Variants in DCUN1D4 observed in about 807,000 individuals in gnomAD.
The protein encoded by DCUN1D4 is defective in cullin neddylation 1 domain containing 4.
A neutral mutation model predicts 47.9 loss-of-function variants in DCUN1D4; 22 were observed. The ratio of observed to expected loss-of-function variants is 0.46; its 90% CI spans 0.33 to 0.66. DCUN1D4 has a LOEUF of 0.66. Among genes scored for constraint, DCUN1D4 ranks in the 30% least tolerant of loss-of-function variants. The pLI, the probability that DCUN1D4 is intolerant of heterozygous loss-of-function variation, is 0.02. For synonymous variants in DCUN1D4, 121 were observed against 112.2 expected (o/e 1.08, Z -0.50); for missense variants, 301 against 340.8 (o/e 0.88, Z 0.92).
At chr4:51,868,374 C>G (rs1281145891) in intron 3 of DCUN1D4, among the ~76,000 whole-genome samples, 3 of 152,186 alleles carry the variant, frequency 2.0e-5, no homozygotes, top group African/African-American at 4.8e-5. Flanking sequence ...AGTGATTGCT[C>G]CAGACGGGCT....
At chr4:51,841,946 T>C (rs1721686933), upstream of DCUN1D4, among the ~76,000 whole-genome samples, 1 of 77,892 alleles carries the variant, frequency 1.3e-5, no homozygotes, top group Non-Finnish European at 2.4e-5. Context: ...GTTGTTGGAG[T>C]TGGTGGCTGG....
chr4:51,843,658 G>C, intron 1 of DCUN1D4: 1 of 1,255,264 alleles, frequency 8.0e-7, no homozygotes, highest in Non-Finnish European at 1.0e-6. Context: ...GGCGGGGAGA[G>C]GGAGGGAGCG....
chr4:51,877,285 A>G (rs138185915), intron 4 of DCUN1D4, among the ~76,000 whole-genome samples: 257 of 152,150 alleles, frequency 1.7e-3, no homozygotes, highest in African/African-American at 6.0e-3. Flanking sequence ...ACATGATTTG[A>G]TGTTTCTTTT....
rs140646477 is a variant in DCUN1D4, at chr4:51,881,053, G to A, written c.343+3199G>A. Among the ~76,000 whole-genome samples the A allele has an allele frequency of 2.9e-3, 447 of 152,162 alleles. 2 individuals are homozygous for A. Among genetic ancestry groups the A allele is most frequent in the Non-Finnish European group, 5.2e-3 (352 of 67,988 alleles). ...TGAGGCAGGAAAATCACTTGAACCC[G>A]GGAGGCAGAGGTTGCAGTGAGCCAA... On this transcript the variant is annotated intron_variant, in intron 5 of 10. Transcript: ENST00000334635.
At chr4:51,878,356 CTTAT>C (rs1203772465) in intron 5 of DCUN1D4, among the ~76,000 whole-genome samples, 2 of 152,022 alleles carry the variant, frequency 1.3e-5, no homozygotes, top group Non-Finnish European at 1.5e-5. Flanking sequence ...CGACCTGGGG[CTTAT>C]TTGTTATTGT....
chr4:51,841,727 T>C (rs1275890599), upstream of DCUN1D4, among the ~76,000 whole-genome samples: 4 of 152,090 alleles, frequency 2.6e-5, no homozygotes, highest in Non-Finnish European at 5.9e-5. Context: ...AGAAACTGGT[T>C]TGTCTGAGCC....
chr4:51,834,764 G>A, the DCUN1D4 span, among the ~76,000 whole-genome samples: 1 of 152,082 alleles, frequency 6.6e-6, no homozygotes, highest in Non-Finnish European at 1.5e-5. Context: ...CTGGAAAGGG[G>A]AGCAGAGGCT....
chr4:51,873,010 A>G (rs1197449457), intron 3 of DCUN1D4, among the ~76,000 whole-genome samples: 1 of 152,236 alleles, frequency 6.6e-6, no homozygotes, highest in Non-Finnish European at 1.5e-5. Context: ...AGAGGTAGCT[A>G]TATAACATTT....
chr4:51,870,009 T>C (rs960747741), intron 3 of DCUN1D4, among the ~76,000 whole-genome samples: 3 of 152,170 alleles, frequency 2.0e-5, no homozygotes, highest in Admixed American at 2.0e-4. Context: ...ACCAAAACAT[T>C]AAGAAAGAGC....
chr4:51,838,410 C>T (rs1721550833), upstream of DCUN1D4, among the ~76,000 whole-genome samples: 1 of 152,064 alleles, frequency 6.6e-6, no homozygotes, highest in South Asian at 2.1e-4. Flanking sequence ...GAGGCAGGGT[C>T]TCATTCTGTC....
At chr4:51,843,123 C>A, upstream of DCUN1D4, 1 of 1,467,368 alleles carries the variant, frequency 6.8e-7, no homozygotes, top group Non-Finnish European at 9.0e-7. Flanking sequence ...GCGAGATGGG[C>A]GGGCTGGGAG....
At chr4:51,886,820 T>C (rs1314065058) in intron 6 of DCUN1D4, 182 bp downstream of exon 6, 12 of 585,048 alleles carry the variant, frequency 2.1e-5, no homozygotes, top group Non-Finnish European at 3.7e-5. Context: ...TTGTAAGTGA[T>C]ATGGTGTAAC....
At chr4:51,864,413 A>G (rs892918659) in intron 3 of DCUN1D4, among the ~76,000 whole-genome samples, 4 of 152,212 alleles carry the variant, frequency 2.6e-5, no homozygotes, top group Non-Finnish European at 5.9e-5. Flanking sequence ...TTATTTAAAC[A>G]CATTTTAAAG....
At chr4:51,850,728 A>AG (rs896696156) in intron 1 of DCUN1D4, among the ~76,000 whole-genome samples, 97 of 152,028 alleles carry the variant, frequency 6.4e-4, no homozygotes, top group African/African-American at 2.3e-3. Flanking sequence ...ACAGCAGGGA[A>AG]GGGGTGCATG....
intron 3 of DCUN1D4, among the ~76,000 whole-genome samples, chr4:51,868,642 C>T (rs1726353889): frequency 6.6e-6 from 1 of 152,158 alleles, no homozygotes; most frequent in Non-Finnish European, 1.5e-5. Flanking sequence ...TAACAGTAGT[C>T]TGGGCAATGC....
chr4:51,848,086 G>T, intron 1 of DCUN1D4: 1 of 672,844 alleles, frequency 1.5e-6, no homozygotes, highest in Non-Finnish European at 2.2e-6. Context: ...TGTTCCTGTT[G>T]TCTTTCATTA....
chr4:51,845,108 A>G (rs1409534451), intron 1 of DCUN1D4: 1 of 985,314 alleles, frequency 1.0e-6, no homozygotes, highest in Non-Finnish European at 1.2e-6. Flanking sequence ...CATCATGCGC[A>G]CGGGTTGTGG....
chr4:51,853,171 C>T lies in DCUN1D4; in HGVS notation c.25+9904C>T, dbSNP rs2109834186. Among the ~76,000 whole-genome samples, 2 of 152,288 alleles carry T rather than the reference C, an allele frequency of 1.3e-5. 1 individual carries two copies. The highest frequency in any genetic ancestry group is 4.1e-4 in the South Asian group (2 of 4,828). On this transcript the variant is annotated intron_variant, in intron 1 of 10. Coordinates refer to ENST00000334635, the MANE Select transcript of DCUN1D4 (RefSeq NM_001040402.3). ...TGTGGTGGGCGATGGATGGATGCTGCCTCCCTTGGGCGGATGGTTTCTTCT... is the reference window on the plus strand; with the variant it reads ...TGTGGTGGGCGATGGATGGATGCTGTCTCCCTTGGGCGGATGGTTTCTTCT...
chr4:51,916,518 TAATA>T lies in DCUN1D4; in HGVS notation c.*2938_*2941del, dbSNP rs1195075603. ...ATCCTTTATTCTTTCATATGTTGTA[TAATA>T]AATGTATAGATTTCATTGACCAACT... On this transcript the variant is annotated 3_prime_UTR_variant, in exon 11 of 11. Transcript: ENST00000334635. The T allele has an allele frequency of 2.0e-5, 3 of 152,594 alleles. No individual in the cohort carries two copies. Among genetic ancestry groups the T allele is most frequent in the African/African-American group, 7.2e-5 (3 of 41,462 alleles). 9.5% of individuals were successfully genotyped at this position (152,594 alleles called of 1,614,324 possible).
Sources: allele counts gnomAD v4.1 joint callset (sites outside exome capture counted in the v4.1 genomes callset), GRCh38; gene constraint gnomAD v4.1.1; transcripts MANE v1.5; gene names NCBI Gene and HGNC (gene_info 2026-07-23, HGNC 2026-07-21).